GABRB2: variants seen among roughly 807,000 people sequenced by gnomAD.
The protein encoded by GABRB2 is gamma-aminobutyric acid type A receptor subunit beta2, also known as gamma-aminobutyric acid receptor subunit beta-2.
In GABRB2, 16 loss-of-function variants were observed where a neutral mutation model predicts 54.7. The ratio of observed to expected loss-of-function variants is 0.29; its 90% CI spans 0.20 to 0.44. The LOEUF (loss-of-function observed/expected upper bound fraction) is 0.44, where lower values mean the gene tolerates loss of function less well. Among genes scored for constraint, GABRB2 ranks in the 20% least tolerant of loss-of-function variants. The pLI is 1.00. For synonymous variants in GABRB2, 244 were observed against 233.8 expected (o/e 1.04, Z -0.40); for missense variants, 355 against 644.0 (o/e 0.55, Z 4.86).
At chr5:161,374,999 T>C (rs903042593) in intron 5 of GABRB2, among the ~76,000 whole-genome samples, 2 of 152,178 alleles carry the variant, frequency 1.3e-5, no homozygotes, top group Non-Finnish European at 2.9e-5. Context: ...ATTTTTTGCA[T>C]GTTTTACTAT....
chr5:161,466,125 G>C lies in GABRB2; in HGVS notation c.238-6281C>G, dbSNP rs531166967. 2.6e-5 allele frequency among the ~76,000 whole-genome samples: 4 copies of C among 152,034 alleles called. No homozygotes were observed. In the East Asian group the frequency reaches 7.8e-4, roughly 29 times the overall value. On this transcript the variant is annotated intron_variant, in intron 3 of 9. Transcript: ENST00000393959. ...AATGTCTTTCAGTTTGGATTTGCTT[G>C]GTGTGTGCTTATGATTAGATTGAGA...
At chr5:161,331,752 C>G (rs754310506) in intron 7 of GABRB2, among the ~76,000 whole-genome samples, 1 of 151,912 alleles carries the variant, frequency 6.6e-6, no homozygotes, top group South Asian at 2.1e-4. Flanking sequence ...GGAGTTTGAA[C>G]TTAAAATTAA....
intron 4 of GABRB2, among the ~76,000 whole-genome samples, chr5:161,414,721 A>G (rs923686770): frequency 1.3e-5 from 2 of 151,652 alleles, no homozygotes; most frequent in African/African-American, 4.8e-5. Flanking sequence ...ACCAACCCCA[A>G]ATAAAAAATA....
chr5:161,336,819 A>C lies in GABRB2; in HGVS notation c.542-50T>G, dbSNP rs181497669. 3.6e-4 allele frequency: 554 copies of C among 1,543,590 alleles called. 10 individuals are homozygous for C. In the South Asian group the frequency reaches 4.6e-3, roughly 13 times the overall value. ...ACACACACAAATACAGAAAACAAAAAAAAAAAAACAGACAAAACAGAAAAA... is the reference window on the plus strand; with the variant it reads ...ACACACACAAATACAGAAAACAAAACAAAAAAAACAGACAAAACAGAAAAA... On this transcript the variant is annotated intron_variant, in intron 5 of 9. Coordinates refer to ENST00000393959, the MANE Select transcript of GABRB2 (RefSeq NM_001371727.1).
intron 3 of GABRB2, among the ~76,000 whole-genome samples, chr5:161,529,687 A>G (rs1286170203): frequency 6.6e-6 from 1 of 152,072 alleles, no homozygotes; most frequent in Non-Finnish European, 1.5e-5. Context: ...ACTAGTCGTA[A>G]TCAAATATAT....
intron 3 of GABRB2, among the ~76,000 whole-genome samples, chr5:161,471,727 T>C (rs899079358): frequency 2.0e-5 from 3 of 151,994 alleles, no homozygotes; most frequent in African/African-American, 7.2e-5. Context: ...TATCTTAATA[T>C]GTAAAATTCC....
At chr5:161,361,668 AG>A (rs1754814222) in intron 5 of GABRB2, among the ~76,000 whole-genome samples, 1 of 152,194 alleles carries the variant, frequency 6.6e-6, no homozygotes, top group African/African-American at 2.4e-5. Context: ...ATTTAAATTC[AG>A]GTCCATGGCT....
chr5:161,546,932 G>T (rs1478659428), upstream of GABRB2: 6 of 389,254 alleles, frequency 1.5e-5, no homozygotes, highest in East Asian at 5.8e-5. Flanking sequence ...TTATCCTTTC[G>T]TTAAGACAAA....
chr5:161,465,260 A>G (rs1758246307), intron 3 of GABRB2, among the ~76,000 whole-genome samples: 1 of 152,036 alleles, frequency 6.6e-6, no homozygotes, highest in African/African-American at 2.4e-5. Flanking sequence ...GAGGGAAAAA[A>G]AAAGGTAGAG....
intron 3 of GABRB2, among the ~76,000 whole-genome samples, chr5:161,505,109 CT>C (rs34388314): frequency 0.016 from 2,112 of 135,410 alleles, 23 homozygotes; most frequent in African/African-American, 0.042. Context: ...TTTTCCTTTT[CT>C]TTTTTTTTTT....
At chr5:161,344,274 A>G (rs1754255115) in intron 5 of GABRB2, among the ~76,000 whole-genome samples, 1 of 152,100 alleles carries the variant, frequency 6.6e-6, no homozygotes, top group Non-Finnish European at 1.5e-5. Flanking sequence ...TTCCTTAAAT[A>G]GTCTATAACC....
intron 3 of GABRB2, among the ~76,000 whole-genome samples, chr5:161,488,849 G>T (rs1759012789): frequency 6.6e-6 from 1 of 151,704 alleles, no homozygotes; most frequent in South Asian, 2.1e-4. Context: ...CAAGCAATTG[G>T]TGTCATTCCT....
In GABRB2 at chr5:161,293,970, T is replaced by C; in HGVS notation, c.*111A>G. 1 of 809,176 alleles carries C rather than the reference T, an allele frequency of 1.2e-6. No homozygotes were observed. The highest frequency in any genetic ancestry group is 1.8e-5 in the South Asian group (1 of 55,062). The allele number at this position is 809,176 out of a possible 1,614,324, so 50.1% of individuals were successfully genotyped here. On this transcript the variant is annotated 3_prime_UTR_variant, in exon 10 of 10. Transcript: ENST00000393959. Reference sequence around the variant, plus strand: ...CCACAGGATAGGCCAGCAACTAAGGTATTTTAGCGTCACTTTTGTCCTGGA... The same window carrying C: ...CCACAGGATAGGCCAGCAACTAAGGCATTTTAGCGTCACTTTTGTCCTGGA...
At position 161,473,559 on chromosome 5, in the gene GABRB2, G is replaced by T. The variant is rs535780588; in HGVS notation, c.238-13715C>A. ...GGAGTAATTTTGTTTAAAGGAAAAA[G>T]AACATTAGAATAAGGGTTTGATCTC... On this transcript the variant is annotated intron_variant, in intron 3 of 9. Coordinates refer to ENST00000393959, the MANE Select transcript of GABRB2 (RefSeq NM_001371727.1). Among the ~76,000 whole-genome samples, 8 of 152,088 alleles carry T rather than the reference G, an allele frequency of 5.3e-5. 1 individual carries two copies. The South Asian group carries it at 1.7e-3, about 32-fold the overall frequency.
chr5:161,314,496 T>C (rs1215146592), intron 9 of GABRB2, among the ~76,000 whole-genome samples: 1 of 152,186 alleles, frequency 6.6e-6, no homozygotes, highest in Non-Finnish European at 1.5e-5. Context: ...CCTGCAAACC[T>C]CTTCTCAGCA....
intron 3 of GABRB2, among the ~76,000 whole-genome samples, chr5:161,476,371 C>G (rs1448200428): frequency 6.6e-6 from 1 of 151,858 alleles, no homozygotes; most frequent in Non-Finnish European, 1.5e-5. Flanking sequence ...CCACGGTAAA[C>G]TACAGTTTTA....
intron 4 of GABRB2, among the ~76,000 whole-genome samples, chr5:161,450,245 C>G (rs542992576): frequency 6.6e-6 from 1 of 152,054 alleles, no homozygotes; most frequent in Non-Finnish European, 1.5e-5. Flanking sequence ...CCGTTGAAAT[C>G]AACAGACATG....
At chr5:161,380,417 T>C (rs1374747731) in intron 5 of GABRB2, among the ~76,000 whole-genome samples, 1 of 152,182 alleles carries the variant, frequency 6.6e-6, no homozygotes. Flanking sequence ...TTTACAATTT[T>C]CTTTCTCTTT....
intron 4 of GABRB2, among the ~76,000 whole-genome samples, chr5:161,428,470 C>T (rs1030361127): frequency 1.3e-5 from 2 of 152,058 alleles, no homozygotes; most frequent in South Asian, 2.1e-4. Context: ...CATTTCATCC[C>T]CCACACCCTG....
Sources: gnomAD v4.1 joint callset for allele counts (sites outside exome capture counted in the v4.1 genomes callset) on GRCh38, gnomAD v4.1.1 for gene constraint, MANE v1.5 for transcripts, NCBI Gene and HGNC (gene_info 2026-07-23, HGNC 2026-07-21) for gene names.